PRKG1: variants seen among roughly 807,000 people sequenced by gnomAD.
PRKG1 encodes the protein cGMP-dependent protein kinase 1.
In PRKG1, 35 loss-of-function variants were observed where a neutral mutation model predicts 88.1. The observed-to-expected ratio is 0.40, with a 90% confidence interval of 0.30 to 0.53. The LOEUF (loss-of-function observed/expected upper bound fraction) is 0.53. PRKG1 is among the 20% of genes least tolerant of loss of function. The probability of loss-of-function intolerance (pLI) is 0.59; values close to 1 mark genes in which losing one functional copy is unlikely to be tolerated. For missense variants in PRKG1, 540 were observed against 839.8 expected (o/e 0.64, Z 4.41); for synonymous variants, 303 against 292.5 (o/e 1.04, Z -0.37).
At chr10:52,034,177 C>A (rs10762545) in intron 5 of PRKG1, among the ~76,000 whole-genome samples, 10 of 151,912 alleles carry the variant, frequency 6.6e-5, no homozygotes, top group East Asian at 1.9e-4. Flanking sequence ...CAGGGGATGC[C>A]ATGGCTTGGC....
chr10:51,541,095 A>T (rs1842288985), intron 3 of PRKG1, among the ~76,000 whole-genome samples: 1 of 152,138 alleles, frequency 6.6e-6, no homozygotes, highest in South Asian at 2.1e-4. Context: ...GACCAGTTTC[A>T]TGGAAGACAA....
intron 2 of PRKG1, among the ~76,000 whole-genome samples, chr10:51,436,106 A>G (rs1056300515): frequency 1.3e-5 from 2 of 151,772 alleles, no homozygotes; most frequent in Non-Finnish European, 2.9e-5. Flanking sequence ...GTCATGATTT[A>G]TCTGTAAAAC....
chr10:52,248,198 G>A (rs573484715), intron 9 of PRKG1, among the ~76,000 whole-genome samples: 1 of 152,266 alleles, frequency 6.6e-6, no homozygotes, highest in Non-Finnish European at 1.5e-5. Context: ...CTTCCAGTGC[G>A]GGCATTAGGG....
chr10:52,284,682 T>C (rs1055745715), intron 14 of PRKG1, among the ~76,000 whole-genome samples: 2 of 152,034 alleles, frequency 1.3e-5, no homozygotes, highest in South Asian at 4.1e-4. Flanking sequence ...TCGATAGTAA[T>C]AATGACATTT....
chr10:51,646,397 TTC>T (rs1303074761), intron 3 of PRKG1, among the ~76,000 whole-genome samples: 2 of 152,190 alleles, frequency 1.3e-5, no homozygotes, highest in Non-Finnish European at 2.9e-5. Context: ...CTCTTCTTCT[TTC>T]TCTTTTTCAT....
intron 4 of PRKG1, among the ~76,000 whole-genome samples, chr10:51,854,566 T>C (rs12572935): frequency 1.3e-5 from 2 of 152,088 alleles, no homozygotes; most frequent in Admixed American, 1.3e-4. Flanking sequence ...GATCTCTATG[T>C]ACTAAAATGA....
intron 2 of PRKG1, among the ~76,000 whole-genome samples, chr10:51,170,997 A>G (rs1846689742): frequency 6.6e-6 from 1 of 152,152 alleles, no homozygotes. Context: ...AAAGCTATTA[A>G]ATAGTCAAAG....
At chr10:51,115,385 A>ATATAT (rs1554837458) in intron 1 of PRKG1, among the ~76,000 whole-genome samples, 10 of 94,552 alleles carry the variant, frequency 1.1e-4, no homozygotes, top group Middle Eastern at 7.1e-3. Flanking sequence ...ATATATATAT[A>ATATAT]AAACAAATGT....
intron 14 of PRKG1, among the ~76,000 whole-genome samples, chr10:52,285,529 A>T (rs11597314): frequency 0.11 from 16,778 of 152,120 alleles, 1,538 homozygotes; most frequent in African/African-American, 0.25. Flanking sequence ...ACCTCTGGAA[A>T]GTGCTTTTGT....
chr10:51,157,194 G>A (rs1278015962), intron 2 of PRKG1, among the ~76,000 whole-genome samples: 1 of 151,870 alleles, frequency 6.6e-6, no homozygotes, highest in African/African-American at 2.4e-5. Flanking sequence ...TCATCTGGGT[G>A]TAGTATGCAG....
At chr10:52,047,812 A>T (rs565391686) in intron 5 of PRKG1, among the ~76,000 whole-genome samples, 6 of 152,260 alleles carry the variant, frequency 3.9e-5, no homozygotes, top group Non-Finnish European at 8.8e-5. Context: ...AAAAAGGCAG[A>T]TCCCAATATT....
At chr10:52,054,767 C>T (rs748933125) in intron 6 of PRKG1, among the ~76,000 whole-genome samples, 2 of 151,958 alleles carry the variant, frequency 1.3e-5, no homozygotes, top group Non-Finnish European at 2.9e-5. Context: ...AGCCTACTTG[C>T]TAATAATCAT....
chr10:51,995,250 TG>T (rs1844409737), intron 5 of PRKG1, among the ~76,000 whole-genome samples: 8 of 151,938 alleles, frequency 5.3e-5, no homozygotes, highest in Admixed American at 5.2e-4. Context: ...ATAAATTTTG[TG>T]TGTGGTAGGT....
intron 5 of PRKG1, among the ~76,000 whole-genome samples, chr10:51,972,091 C>T (rs997445739): frequency 1.3e-5 from 2 of 152,086 alleles, no homozygotes; most frequent in African/African-American, 2.4e-5. Context: ...GTACAATTCT[C>T]CTGAAGTTAG....
At chr10:52,039,374 A>T (rs540197269) in intron 5 of PRKG1, among the ~76,000 whole-genome samples, 18 of 152,240 alleles carry the variant, frequency 1.2e-4, no homozygotes, top group Admixed American at 2.6e-4. Flanking sequence ...GGACTTTCAC[A>T]AGGTAATGTC....
At chr10:51,606,348 TGAA>T (rs1344731989) in intron 3 of PRKG1, among the ~76,000 whole-genome samples, 1 of 152,220 alleles carries the variant, frequency 6.6e-6, no homozygotes, top group East Asian at 1.9e-4. Context: ...TTCTGAGGCC[TGAA>T]GAAGTTGCTG....
chr10:51,184,816 C>G (rs949304468), intron 2 of PRKG1, among the ~76,000 whole-genome samples: 2 of 152,086 alleles, frequency 1.3e-5, no homozygotes, highest in Non-Finnish European at 2.9e-5. Context: ...GAAAGGAAAG[C>G]CATTTGTTGC....
At chr10:51,699,218 A>G (rs781242732) in intron 3 of PRKG1, 1 of 1,614,178 alleles carries the variant, frequency 6.2e-7, no homozygotes, top group Admixed American at 1.7e-5. Flanking sequence ...GGGTGAGTCA[A>G]TAATGGGCGC....
intron 5 of PRKG1, chr10:51,909,587 G>C (rs770290697): frequency 1.3e-5 from 2 of 152,160 alleles, no homozygotes. Flanking sequence ...TCAGAAAAGG[G>C]AAGGGAGATC....
Sources: gnomAD v4.1 joint callset for allele counts (sites outside exome capture counted in the v4.1 genomes callset) on GRCh38, gnomAD v4.1.1 for gene constraint, MANE v1.5 for transcripts, NCBI Gene and HGNC (gene_info 2026-07-23, HGNC 2026-07-21) for gene names.